NFXL1: variants seen among roughly 807,000 people sequenced by gnomAD.
NFXL1 encodes nuclear transcription factor, X-box binding like 1, also known as NF-X1-type zinc finger protein NFXL1.
Under a neutral mutation model 123.3 loss-of-function variants are expected in NFXL1, and 66 were observed. The observed-to-expected ratio is 0.54, with a 90% CI of 0.44 to 0.66. The LOEUF is 0.66. Among genes scored for constraint, NFXL1 ranks in the 30% least tolerant of loss-of-function variants. The probability of loss-of-function intolerance (pLI) is 0.00; values close to 1 mark genes in which losing one functional copy is unlikely to be tolerated. For synonymous variants in NFXL1, 346 were observed against 360.8 expected (o/e 0.96, Z 0.46); for missense variants, 944 against 1,125.6 (o/e 0.84, Z 2.31).
Position 47,848,105 on chromosome 4 carries a change from C to A in NFXL1, c.*58G>T. The A allele has an allele frequency of 9.0e-7, 1 of 1,109,266 alleles. No homozygotes were observed. The highest frequency in any genetic ancestry group is 2.3e-5 in the Admixed American group (1 of 43,914). 68.7% of individuals were successfully genotyped at this position (1,109,266 alleles called of 1,614,324 possible). On this transcript the variant is annotated 3_prime_UTR_variant, in exon 23 of 23. Transcript: ENST00000507489. The stretch of plus-strand genomic sequence containing the variant: ...CTATAATATACATTTTCTAATATTT[C>A]AAATTTAACAACTTATCTAAATCCA...
intron 11 of NFXL1, among the ~76,000 whole-genome samples, chr4:47,892,300 G>A (rs1454454830): frequency 6.6e-6 from 1 of 152,194 alleles, no homozygotes; most frequent in Admixed American, 6.5e-5. Context: ...ATCATAAGCA[G>A]AATCTGGCTG....
At chr4:47,888,014 G>A (rs996500473) in intron 12 of NFXL1, among the ~76,000 whole-genome samples, 1 of 151,776 alleles carries the variant, frequency 6.6e-6, no homozygotes, top group African/African-American at 2.4e-5. Context: ...TGTGGCTCAT[G>A]CCTGTAATCC....
chr4:47,904,233 C>T (rs977823148), intron 4 of NFXL1, among the ~76,000 whole-genome samples: 4 of 152,178 alleles, frequency 2.6e-5, no homozygotes, highest in Non-Finnish European at 5.9e-5. Flanking sequence ...TAAAACACGC[C>T]TTGGACTGCC....
chr4:47,863,294 AT>A (rs1291384325), intron 18 of NFXL1, among the ~76,000 whole-genome samples: 1 of 152,234 alleles, frequency 6.6e-6, no homozygotes, highest in Non-Finnish European at 1.5e-5. Context: ...AAAACTAATT[AT>A]TTAATATGTT....
intron 15 of NFXL1, among the ~76,000 whole-genome samples, chr4:47,880,346 G>A (rs1736016025): frequency 6.6e-6 from 1 of 150,674 alleles, no homozygotes; most frequent in Non-Finnish European, 1.5e-5. Flanking sequence ...CCCAGGAGGT[G>A]CAGGCTGCAG....
intron 18 of NFXL1, among the ~76,000 whole-genome samples, chr4:47,868,901 C>G (rs935582240): frequency 2.6e-5 from 4 of 152,140 alleles, no homozygotes; most frequent in Non-Finnish European, 4.4e-5. Context: ...TAAGCAAAAA[C>G]TACAGCAGCT....
intron 14 of NFXL1, among the ~76,000 whole-genome samples, chr4:47,884,838 G>A (rs1263436017): frequency 4.6e-5 from 7 of 152,084 alleles, no homozygotes; most frequent in Admixed American, 3.3e-4. Flanking sequence ...AAATGTTCAT[G>A]AGGCTGGGCT....
intron 8 of NFXL1, among the ~76,000 whole-genome samples, chr4:47,898,448 A>G (rs1477430115): frequency 2.0e-5 from 3 of 152,118 alleles, no homozygotes; most frequent in African/African-American, 7.2e-5. Flanking sequence ...TTAATTCAAG[A>G]AGCAGGGAGG....
chr4:47,878,008 A>C (rs972492329), intron 17 of NFXL1, among the ~76,000 whole-genome samples: 5 of 152,090 alleles, frequency 3.3e-5, no homozygotes, highest in Non-Finnish European at 7.4e-5. Flanking sequence ...ATACACTTGT[A>C]AAATGCTTTT....
At chr4:47,873,230 C>A (rs1735556687) in intron 18 of NFXL1, among the ~76,000 whole-genome samples, 1 of 152,172 alleles carries the variant, frequency 6.6e-6, no homozygotes. Flanking sequence ...AAGTCTTGAA[C>A]CCCTCAAAGT....
intron 2 of NFXL1, among the ~76,000 whole-genome samples, chr4:47,912,089 T>C (rs548160225): frequency 1.3e-5 from 2 of 152,296 alleles, no homozygotes; most frequent in East Asian, 3.9e-4. Context: ...TGCAGCCAGT[T>C]TGGTTAGGGG....
chr4:47,854,256 T>C (rs190682557), intron 20 of NFXL1, among the ~76,000 whole-genome samples: 3 of 151,684 alleles, frequency 2.0e-5, no homozygotes, highest in Admixed American at 2.0e-4. Context: ...TAAAAGCGAA[T>C]TTCAAGAGAC....
chr4:47,911,849 T>C (rs1345783493), intron 2 of NFXL1, among the ~76,000 whole-genome samples: 1 of 152,228 alleles, frequency 6.6e-6, no homozygotes, highest in Non-Finnish European at 1.5e-5. Context: ...TAAGTGTTAA[T>C]AAGCTCTTAC....
intron 18 of NFXL1, among the ~76,000 whole-genome samples, chr4:47,868,014 T>A (rs1414411392): frequency 6.6e-6 from 1 of 151,914 alleles, no homozygotes; most frequent in Admixed American, 6.6e-5. Context: ...AATTCAAAAT[T>A]GAAAATCTAA....
chr4:47,862,151 A>G (rs932537659), intron 19 of NFXL1, among the ~76,000 whole-genome samples: 1 of 152,204 alleles, frequency 6.6e-6, no homozygotes, highest in Non-Finnish European at 1.5e-5. Context: ...TCAAATTATT[A>G]CCAGGATAAA....
intron 16 of NFXL1, 55 bp from the exon 17 acceptor site, chr4:47,878,720 T>TA (rs1735902701): frequency 2.3e-6 from 3 of 1,310,304 alleles, no homozygotes; most frequent in African/African-American, 1.5e-5. Flanking sequence ...TTTCTGGACA[T>TA]ATTATATGTT....
rs543614093 is a variant in NFXL1, at chr4:47,900,594, C to T, written c.648-1046G>A. On this transcript the variant is annotated intron_variant, in intron 5 of 22. Transcript: ENST00000507489. ...ACTTTAAACTTCCATCATTAAAATA[C>T]ATAAGTGTTGGCAGTAGAAGTGTTA... is the stretch of plus-strand genomic sequence containing the variant. 2.6e-4 allele frequency among the ~76,000 whole-genome samples: 39 copies of T among 152,324 alleles called. No individual in the cohort carries two copies. The East Asian group carries it at 7.1e-3, about 28-fold the overall frequency.
intron 2 of NFXL1, among the ~76,000 whole-genome samples, chr4:47,913,386 A>C (rs1737938538): frequency 6.6e-6 from 1 of 152,204 alleles, no homozygotes; most frequent in Non-Finnish European, 1.5e-5. Context: ...CAGTCAAGGA[A>C]GGTATCAAAA....
At chr4:47,863,713 T>C (rs1404962877) in intron 18 of NFXL1, among the ~76,000 whole-genome samples, 4 of 152,172 alleles carry the variant, frequency 2.6e-5, no homozygotes, top group Admixed American at 6.5e-5. Context: ...TAATTCACTT[T>C]AGATCTGATC....
Sources: gnomAD v4.1 joint callset for allele counts (sites outside exome capture counted in the v4.1 genomes callset) on GRCh38, gnomAD v4.1.1 for gene constraint, MANE v1.5 for transcripts, NCBI Gene and HGNC (gene_info 2026-07-23, HGNC 2026-07-21) for gene names.